EYA4: variants seen among roughly 807,000 people sequenced by gnomAD.
EYA4 encodes EYA transcriptional coactivator and phosphatase 4, also known as protein phosphatase EYA4.
Under a neutral mutation model 87.9 loss-of-function variants are expected in EYA4, and 31 were observed. The observed-to-expected ratio is 0.35, with a 90% confidence interval of 0.27 to 0.48. EYA4 has a LOEUF of 0.48. Among genes scored for constraint, EYA4 ranks in the 20% least tolerant of loss-of-function variants. EYA4 has a pLI of 0.99. For missense variants in EYA4, 678 were observed against 761.4 expected (o/e 0.89, Z 1.29); for synonymous variants, 263 against 270.6 (o/e 0.97, Z 0.28).
chr6:133,304,974 G>A (rs575837157), intron 2 of EYA4, among the ~76,000 whole-genome samples: 8 of 152,288 alleles, frequency 5.3e-5, no homozygotes, highest in African/African-American at 1.9e-4. Flanking sequence ...ACTAGGTTAG[G>A]AGCGAGGAAG....
chr6:133,355,013 C>A (rs1380867690), intron 2 of EYA4, among the ~76,000 whole-genome samples: 2 of 152,126 alleles, frequency 1.3e-5, no homozygotes, highest in African/African-American at 4.8e-5. Context: ...AATAAATCTA[C>A]CTTTTGGGTA....
At chr6:133,320,205 T>G (rs1236288868) in intron 2 of EYA4, among the ~76,000 whole-genome samples, 1 of 152,006 alleles carries the variant, frequency 6.6e-6, no homozygotes, top group Non-Finnish European at 1.5e-5. Flanking sequence ...GGATTTCTGT[T>G]TTTCACTTTA....
chr6:133,277,243 T>C (rs76587409), intron 2 of EYA4, among the ~76,000 whole-genome samples: 2 of 152,306 alleles, frequency 1.3e-5, no homozygotes, highest in South Asian at 4.1e-4. Flanking sequence ...TATTCCTTCA[T>C]TGCAATTTTT....
chr6:133,263,311 G>A (rs554226681), intron 1 of EYA4, among the ~76,000 whole-genome samples: 1 of 152,292 alleles, frequency 6.6e-6, no homozygotes, highest in Admixed American at 6.5e-5. Flanking sequence ...TAAGCAACAG[G>A]AAGAGCAGAG....
chr6:133,284,060 T>A (rs187479920), intron 2 of EYA4, among the ~76,000 whole-genome samples: 12 of 152,358 alleles, frequency 7.9e-5, no homozygotes, highest in Admixed American at 7.8e-4. Context: ...TCAACTTACA[T>A]GATTTTCAGA....
At chr6:133,379,087 G>T (rs1365802670) in intron 2 of EYA4, among the ~76,000 whole-genome samples, 1 of 151,880 alleles carries the variant, frequency 6.6e-6, no homozygotes, top group African/African-American at 2.4e-5. Flanking sequence ...TTCTTGACCT[G>T]CTTGTTTTCC....
chr6:133,345,072 T>A (rs73559608), intron 2 of EYA4, among the ~76,000 whole-genome samples: 8,241 of 152,248 alleles, frequency 0.054, 720 homozygotes, highest in African/African-American at 0.18. Context: ...AAGGTAAAAT[T>A]GTTAACTTTC....
intron 13 of EYA4, among the ~76,000 whole-genome samples, chr6:133,488,599 T>G (rs1796878204): frequency 6.6e-6 from 1 of 151,998 alleles, no homozygotes; most frequent in Non-Finnish European, 1.5e-5. Flanking sequence ...AGAACAAAAG[T>G]CTCTGCCTGG....
intron 3 of EYA4, among the ~76,000 whole-genome samples, chr6:133,438,306 T>A (rs892079526): frequency 2.6e-5 from 4 of 151,464 alleles, no homozygotes; most frequent in Non-Finnish European, 5.9e-5. Context: ...ATTTTGAGGT[T>A]TTTGTTTTTC....
At chr6:133,491,352 A>T (rs891139721) in intron 13 of EYA4, among the ~76,000 whole-genome samples, 1 of 152,160 alleles carries the variant, frequency 6.6e-6, no homozygotes, top group African/African-American at 2.4e-5. Context: ...AATACAAAAG[A>T]TCAACAAAAT....
At chr6:133,438,548 C>A (rs1178003644) in intron 3 of EYA4, among the ~76,000 whole-genome samples, 1 of 151,558 alleles carries the variant, frequency 6.6e-6, no homozygotes, top group Non-Finnish European at 1.5e-5. Context: ...TTTCTAGAAT[C>A]TTTAAGTTTA....
chr6:133,390,079 C>T (rs1278899509), intron 3 of EYA4, among the ~76,000 whole-genome samples: 1 of 152,130 alleles, frequency 6.6e-6, no homozygotes, highest in African/African-American at 2.4e-5. Context: ...AGAGTATATA[C>T]AGAAGCATGA....
At chr6:133,526,590 C>T (rs1381682405) in intron 19 of EYA4, among the ~76,000 whole-genome samples, 2 of 152,206 alleles carry the variant, frequency 1.3e-5, no homozygotes, top group Non-Finnish European at 2.9e-5. Context: ...CAGGCTCTGC[C>T]TGCCACAGAA....
intron 2 of EYA4, among the ~76,000 whole-genome samples, chr6:133,342,768 A>G (rs1782898381): frequency 6.6e-6 from 1 of 151,798 alleles, no homozygotes; most frequent in Non-Finnish European, 1.5e-5. Context: ...AGCATAACCT[A>G]AATCAACAAC....
chr6:133,375,184 G>A (rs1785581175), intron 2 of EYA4, among the ~76,000 whole-genome samples: 1 of 151,846 alleles, frequency 6.6e-6, no homozygotes, highest in Admixed American at 6.6e-5. Context: ...ATCCCTATGG[G>A]CCTAGCAGTA....
intron 3 of EYA4, among the ~76,000 whole-genome samples, chr6:133,429,565 G>C (rs1790994785): frequency 6.6e-6 from 1 of 152,124 alleles, no homozygotes; most frequent in Non-Finnish European, 1.5e-5. Flanking sequence ...ATTGAGTCTA[G>C]TTTCAAGATT....
chr6:133,486,224 C>A (rs939818066), intron 13 of EYA4, among the ~76,000 whole-genome samples: 2 of 152,068 alleles, frequency 1.3e-5, no homozygotes, highest in African/African-American at 4.8e-5. Flanking sequence ...ACATATATTT[C>A]TCTAAAAGTT....
intron 14 of EYA4, among the ~76,000 whole-genome samples, chr6:133,508,311 T>C (rs1209925081): frequency 6.6e-6 from 1 of 152,000 alleles, no homozygotes; most frequent in Non-Finnish European, 1.5e-5. Flanking sequence ...CTGATTTAAA[T>C]TGATCCTGCT....
At chr6:133,346,989 G>T (rs1783244576) in intron 2 of EYA4, among the ~76,000 whole-genome samples, 1 of 152,224 alleles carries the variant, frequency 6.6e-6, no homozygotes, top group Non-Finnish European at 1.5e-5. Flanking sequence ...TCCCTGCTCT[G>T]TGGAGCTCCA....
Sources: gnomAD v4.1 joint callset for allele counts (sites outside exome capture counted in the v4.1 genomes callset) on GRCh38, gnomAD v4.1.1 for gene constraint, MANE v1.5 for transcripts, NCBI Gene and HGNC (gene_info 2026-07-23, HGNC 2026-07-21) for gene names.